AGPAT5: variants seen among roughly 807,000 people sequenced by gnomAD.
The protein encoded by AGPAT5 is 1-acyl-sn-glycerol-3-phosphate acyltransferase epsilon.
A neutral mutation model predicts 45.6 loss-of-function variants in AGPAT5; 46 were observed. The observed-to-expected ratio is 1.01, with a 90% CI of 0.80 to 1.29. The LOEUF (loss-of-function observed/expected upper bound fraction) is 1.29. Among genes scored for constraint, AGPAT5 ranks in the 50% most tolerant of loss-of-function variants. AGPAT5 has a pLI of 0.00. For missense variants in AGPAT5, 673 were observed against 450.7 expected (o/e 1.49, Z -4.47); for synonymous variants, 272 against 167.0 (o/e 1.63, Z -4.85).
At chr8:6,735,145 T>C (rs1381227180) in intron 4 of AGPAT5, among the ~76,000 whole-genome samples, 1 of 152,148 alleles carries the variant, frequency 6.6e-6, no homozygotes, top group East Asian at 1.9e-4. Flanking sequence ...ATTCCTGCCT[T>C]TACTAAGAGT....
intron 5 of AGPAT5, chr8:6,745,265 C>T (rs552518839): frequency 2.6e-5 from 4 of 154,408 alleles, no homozygotes; most frequent in Admixed American, 6.5e-5. Context: ...ATTCCGTCTA[C>T]CCTGTCTCCA....
At chr8:6,737,407 C>G (rs1229341645) in intron 4 of AGPAT5, among the ~76,000 whole-genome samples, 2 of 152,148 alleles carry the variant, frequency 1.3e-5, no homozygotes. Flanking sequence ...ATGATTGTAT[C>G]AGTTCTTATT....
chr8:6,753,781 CT>C (rs766197090), intron 6 of AGPAT5, among the ~76,000 whole-genome samples: 58 of 152,208 alleles, frequency 3.8e-4, no homozygotes, highest in African/African-American at 1.0e-3. Flanking sequence ...AAATTAAAAT[CT>C]TTATTTTAGT....
rs1801985351 is a variant in AGPAT5, at chr8:6,760,173, G to A, written c.*2785G>A. ...TAACTAGACTGATCATAGATAGAAG[G>A]AAATAAGGCCAAGTTCAAGACCAGC... On this transcript the variant is annotated 3_prime_UTR_variant, in exon 8 of 8. Coordinates refer to ENST00000285518, the MANE Select transcript of AGPAT5 (RefSeq NM_018361.5). Among the ~76,000 whole-genome samples the A allele has an allele frequency of 6.6e-6, 1 of 152,040 alleles. No homozygotes were observed. The highest frequency in any genetic ancestry group is 2.4e-5 in the African/African-American group (1 of 41,392).
At chr8:6,746,325 G>A (rs1430506325) in intron 5 of AGPAT5, 1 of 152,164 alleles carries the variant, frequency 6.6e-6, no homozygotes, top group Non-Finnish European at 1.5e-5. Flanking sequence ...TACGCGTTCT[G>A]GAGCAGAAGC....
rs1800028782 is a variant in AGPAT5 at position 6,708,810 on chromosome 8, C to T, written c.142C>T (p.Gln48Ter). The T allele has an allele frequency of 1.2e-6, 2 of 1,611,328 alleles. No homozygotes were observed. The highest frequency in any genetic ancestry group is 1.7e-6 in the Non-Finnish European group (2 of 1,179,758). ...LSAFLPARFYQALDDRLYCVY... is the reference protein window; with the variant it reads ...LSAFLPARFY Reference sequence around the variant, plus strand: ...CGCCTTCCTGCCCGCCCGCTTCTACCAAGCGCTGGACGACCGGCTCTACTG... The same window carrying T: ...CGCCTTCCTGCCCGCCCGCTTCTACTAAGCGCTGGACGACCGGCTCTACTG... Residue 48 changes from glutamine to a stop codon, truncating the protein, a stop_gained, in exon 1 of 8, where the codon CAA (glutamine) becomes TAA (stop). Coordinates refer to ENST00000285518, the MANE Select transcript of AGPAT5 (RefSeq NM_018361.5). LOFTEE classifies it high-confidence loss of function.
At chr8:6,750,935 T>A (rs978865862) in intron 6 of AGPAT5, among the ~76,000 whole-genome samples, 2 of 152,256 alleles carry the variant, frequency 1.3e-5, no homozygotes, top group Non-Finnish European at 1.5e-5. Context: ...TCTGAGACAT[T>A]ATTCAACATG....
At chr8:6,747,381 C>A (rs1413279474) in intron 5 of AGPAT5, among the ~76,000 whole-genome samples, 1 of 152,180 alleles carries the variant, frequency 6.6e-6, no homozygotes, top group East Asian at 1.9e-4. Context: ...TAATATTTAC[C>A]CTTGCCGGGG....
At chr8:6,742,740 A>G (rs1801280985) in intron 5 of AGPAT5, among the ~76,000 whole-genome samples, 1 of 152,220 alleles carries the variant, frequency 6.6e-6, no homozygotes, top group African/African-American at 2.4e-5. Context: ...AAGAGCAGAT[A>G]TGTCATAGGT....
intron 1 of AGPAT5, among the ~76,000 whole-genome samples, chr8:6,714,725 C>G (rs1451455734): frequency 1.3e-5 from 2 of 152,158 alleles, no homozygotes; most frequent in Non-Finnish European, 2.9e-5. Flanking sequence ...TGGGAAGGTT[C>G]TTTAGTTAAA....
intron 1 of AGPAT5, among the ~76,000 whole-genome samples, chr8:6,721,294 A>G (rs906642511): frequency 6.6e-5 from 10 of 152,246 alleles, no homozygotes; most frequent in South Asian, 6.2e-4. Context: ...TGTAAATTGT[A>G]TATGTAATCA....
intron 6 of AGPAT5, among the ~76,000 whole-genome samples, chr8:6,751,623 C>T (rs1056106398): frequency 6.6e-6 from 1 of 152,214 alleles, no homozygotes; most frequent in Non-Finnish European, 1.5e-5. Flanking sequence ...CAAAGCCCAC[C>T]TGGGCATTCT....
rs1801248226 is a variant in AGPAT5, at chr8:6,741,646, C to G, written c.496-15C>G. ...GCTCACACAAAATAAACCAAATTTG[C>G]TCTATGTCCCACAGATGTATCTTGT... On this transcript the variant is annotated splice_polypyrimidine_tract_variant and intron_variant, in intron 4 of 7. Coordinates refer to ENST00000285518, the MANE Select transcript of AGPAT5 (RefSeq NM_018361.5). 1 of 1,563,194 alleles carries G rather than the reference C, an allele frequency of 6.4e-7. No individual in the cohort carries two copies. The highest frequency in any genetic ancestry group is 1.4e-5 in the African/African-American group (1 of 72,512).
chr8:6,717,075 G>A (rs771864348), intron 1 of AGPAT5, among the ~76,000 whole-genome samples: 1 of 152,212 alleles, frequency 6.6e-6, no homozygotes, highest in Non-Finnish European at 1.5e-5. Flanking sequence ...GAGTAAGGCA[G>A]AATGAGCAAA....
intron 1 of AGPAT5, among the ~76,000 whole-genome samples, chr8:6,716,081 C>T (rs1007470305): frequency 2.0e-5 from 3 of 152,144 alleles, no homozygotes; most frequent in African/African-American, 4.8e-5. Flanking sequence ...TGCTTTTCTC[C>T]ATCTGTCATG....
rs1317343794 is a variant in AGPAT5, at chr8:6,735,918, G to A, written c.495+3268G>A. Among the ~76,000 whole-genome samples the A allele has an allele frequency of 3.1e-5, 4 of 130,982 alleles. No individual in the cohort carries two copies. In the East Asian group the frequency reaches 1.0e-3, roughly 33 times the overall value. The allele number at this position is 130,982 out of a possible 152,430, so 85.9% of individuals were successfully genotyped here. ...CACCCAGGCTGGAGTGCAGTGGCAC[G>A]ATCTTGGCTCACTGCAACCTCTGCC... On this transcript the variant is annotated intron_variant, in intron 4 of 7. Coordinates refer to ENST00000285518, the MANE Select transcript of AGPAT5 (RefSeq NM_018361.5).
At chr8:6,734,523 C>A (rs553501348) in intron 4 of AGPAT5, among the ~76,000 whole-genome samples, 7 of 152,260 alleles carry the variant, frequency 4.6e-5, no homozygotes, top group South Asian at 4.2e-4. Flanking sequence ...TCCAGTTGAA[C>A]CTTTATCATT....
intron 1 of AGPAT5, among the ~76,000 whole-genome samples, chr8:6,722,924 C>G (rs1800556345): frequency 6.6e-6 from 1 of 152,002 alleles, no homozygotes; most frequent in Admixed American, 6.5e-5. Flanking sequence ...CTTAAAATTA[C>G]TTAAAGAGTT....
chr8:6,734,319 A>G (rs1206061808), intron 4 of AGPAT5, among the ~76,000 whole-genome samples: 15 of 144,190 alleles, frequency 1.0e-4, no homozygotes, highest in Middle Eastern at 3.7e-3. Flanking sequence ...TACATTTTGG[A>G]TAATTTCTGT....
Sources: gnomAD v4.1 joint callset for allele counts (sites outside exome capture counted in the v4.1 genomes callset) on GRCh38, gnomAD v4.1.1 for gene constraint, MANE v1.5 for transcripts, NCBI Gene and HGNC (gene_info 2026-07-23, HGNC 2026-07-21) for gene names.